Variants in KIF15 observed in about 807,000 individuals in gnomAD.
The protein encoded by KIF15 is kinesin-like protein KIF15.
KIF15 carries 140 observed loss-of-function variants against 190.6 expected under a neutral mutation model. The ratio of observed to expected loss-of-function variants is 0.73; its 90% CI spans 0.64 to 0.84. The LOEUF (loss-of-function observed/expected upper bound fraction) is 0.84. Among genes scored for constraint, KIF15 ranks in the 40% least tolerant of loss-of-function variants. The pLI, the probability that KIF15 is intolerant of heterozygous loss-of-function variation, is 0.00. For missense variants in KIF15, 1,372 were observed against 1,584.4 expected (o/e 0.87, Z 2.28); for synonymous variants, 528 against 551.3 (o/e 0.96, Z 0.59).
chr3:44,829,587 T>TTATATATG (rs1697917821), intron 24 of KIF15, among the ~76,000 whole-genome samples: 3 of 28,672 alleles, frequency 1.0e-4, no homozygotes, highest in African/African-American at 4.7e-4. Context: ...TATGTATATA[T>TTATATATG]TATATATTAT....
intron 6 of KIF15, chr3:44,864,067 G>A (rs1699293276): frequency 9.4e-7 from 1 of 1,064,608 alleles, no homozygotes; most frequent in Non-Finnish European, 1.4e-6. Flanking sequence ...AAGCTCTGAG[G>A]CCCTCTGAGC....
At position 44,777,520 on chromosome 3, in the gene KIF15, C is replaced by T. The variant is rs576197185; in HGVS notation, c.247-595C>T. On this transcript the variant is annotated intron_variant, in intron 3 of 34. Transcript: ENST00000326047. ...TAGCCTGACTAACATGGTGAAACCC[C>T]GTTTCTACTAAAAATAAAAAATTAG... Among the ~76,000 whole-genome samples the T allele has an allele frequency of 6.6e-5, 10 of 152,080 alleles. No homozygotes were observed. In the South Asian group the frequency reaches 1.3e-3, roughly 19 times the overall value.
chr3:44,790,118 C>A (rs2125921887), intron 7 of KIF15, among the ~76,000 whole-genome samples: 1 of 152,194 alleles, frequency 6.6e-6, no homozygotes, highest in Middle Eastern at 3.4e-3. Context: ...GGCGGGCTCA[C>A]TGAGTACTTT....
chr3:44,804,860 A>G (rs1214329007), intron 14 of KIF15, among the ~76,000 whole-genome samples, 167 bp from the exon 15 acceptor site: 1 of 152,124 alleles, frequency 6.6e-6, no homozygotes. Context: ...TGTAGTCCCA[A>G]CTATTTGGGA....
rs1159736715 is a variant in KIF15, at chr3:44,830,899, A to T, written c.3052A>T (p.Lys1018Ter). ...LKQELKDINC[K>*]YNSALVDREE... ...AGCATGACTTTCTTTTCTACAGTGC[A>T]AATACAACTCTGCTTTGGTTGACAG... The change falls in exon 26 of 35, where the codon AAA (lysine) becomes TAA (stop). Residue 1018 changes from lysine (K) to a stop codon, truncating the protein, a stop_gained. Transcript: ENST00000326047. LOFTEE classifies it high-confidence loss of function. 6.2e-7 allele frequency: 1 copy of T among 1,613,278 alleles called. No individual in the cohort carries two copies. Among genetic ancestry groups the T allele is most frequent in the African/African-American group, 1.3e-5 (1 of 75,012 alleles).
rs11710339 is a variant in KIF15, at chr3:44,830,013, A to T, written c.2986A>T (p.Thr996Ser). The T allele has an allele frequency of 0.18, 289,681 of 1,594,576 alleles. 30,642 individuals carry two copies. The highest frequency in any genetic ancestry group is 0.21 in the Non-Finnish European group (246,486 of 1,170,554). ...DLMNQIQELR[T>S]SVCEKTETID... is the part of the protein sequence containing the mutation. ...CATGAACCAGATCCAGGAGCTAAGA[A>T]CATCGGTCTGTGAGAAAACAGAAAC... The change falls in exon 25 of 35, where the codon ACA becomes TCA. Residue 996 changes from threonine (T) to serine (S), a missense_variant. Physicochemically the swap from Thr to Ser is moderately conservative, Grantham distance 58. Transcript: ENST00000326047.
In KIF15 at chr3:44,841,065, T is replaced by C. The variant is rs1451562131; in HGVS notation, c.3421-9T>C. 1.9e-6 allele frequency: 3 copies of C among 1,597,430 alleles called. No individual in the cohort carries two copies. The highest frequency in any genetic ancestry group is 2.6e-6 in the Non-Finnish European group (3 of 1,174,088). On this transcript the variant is annotated splice_polypyrimidine_tract_variant and intron_variant, in intron 28 of 34. Coordinates refer to ENST00000326047, the MANE Select transcript of KIF15 (RefSeq NM_020242.3). ...TTGGATATTTGGATGAGATGTGATT[T>C]TATTTTAGAGTCCTAAGACACCACC... is the stretch of plus-strand genomic sequence containing the variant.
In KIF15 at chr3:44,830,947, A is replaced by G. The variant is rs769100956; in HGVS notation, c.3100A>G (p.Lys1034Glu). ...CAGAGAAGAGAGCAGAGTGTTGATC[A>G]AGAAGCAGGAAGTGGATATTCTGGA... The part of the protein sequence containing the change: ...VDREESRVLI[K>E]KQEVDILDLK... The change falls in exon 26 of 35, where the codon AAG (lysine) becomes GAG (glutamate). Residue 1034 changes from lysine (K) to glutamate (E), a missense_variant. Coordinates refer to ENST00000326047, the MANE Select transcript of KIF15 (RefSeq NM_020242.3). 21 of 1,613,990 alleles carry G rather than the reference A, an allele frequency of 1.3e-5. No homozygotes were observed. The highest frequency in any genetic ancestry group is 2.2e-5 in the East Asian group (1 of 44,868).
chr3:44,816,419 T>C (rs1404957284), intron 20 of KIF15, among the ~76,000 whole-genome samples: 1 of 132,558 alleles, frequency 7.5e-6, no homozygotes, highest in African/African-American at 2.8e-5. Flanking sequence ...CAGGCCCCAG[T>C]GTGATGTTCC....
chr3:44,801,788 A>G lies in KIF15; in HGVS notation c.1323A>G (p.Gln441=). The change falls in exon 13 of 35, where the codon CAA becomes CAG. Residue 441 remains glutamine, a synonymous_variant. Coordinates refer to ENST00000326047, the MANE Select transcript of KIF15 (RefSeq NM_020242.3). ...AGTCTCTGATAGAAAAAGTTACCCA[A>G]TTAGAAGACCTCACCCTCAAAAAGG... ...EKKSLIEKVT[Q]LEDLTLKKEK... 1.3e-6 allele frequency: 2 copies of G among 1,588,922 alleles called. No individual in the cohort carries two copies. The highest frequency in any genetic ancestry group is 1.7e-6 in the Non-Finnish European group (2 of 1,160,678).
chr3:44,800,569 C>T lies in KIF15; in HGVS notation c.1222+132C>T, dbSNP rs1274364591. 67 of 834,990 alleles carry T rather than the reference C, an allele frequency of 8.0e-5. 1 individual carries two copies. In the East Asian group the frequency reaches 1.7e-3, roughly 22 times the overall value. The allele number at this position is 834,990 out of a possible 1,614,324, so 51.7% of individuals were successfully genotyped here. A position where few individuals can be genotyped will look rare whatever the true frequency, so the allele number is the denominator to read the frequency against. On this transcript the variant is annotated intron_variant, in intron 11 of 34. Coordinates refer to ENST00000326047, the MANE Select transcript of KIF15 (RefSeq NM_020242.3). ...AGGTATCTCTTTCTGCTTATTTCTC[C>T]TATATAGGAACATAGTGGTTTGTTT...
rs755965909 is a variant in KIF15, at chr3:44,797,670, A to G, written c.969A>G (p.Leu323=). The change falls in exon 9 of 35, where the codon TTA becomes TTG. Residue 323 remains leucine, a synonymous_variant. Transcript: ENST00000326047. The stretch of plus-strand genomic sequence containing the variant: ...ACAGAGACTCCAAACTTACCTTCTT[A>G]CTACGGGTAAAGTAGATCCTTGGGT... The part of the protein sequence containing the change: ...VCYRDSKLTF[L]LRDSLGGNAK... 1 of 1,613,954 alleles carries G rather than the reference A, an allele frequency of 6.2e-7. No individual in the cohort carries two copies. Among genetic ancestry groups the G allele is most frequent in the East Asian group, 2.2e-5 (1 of 44,878 alleles).
In KIF15 at chr3:44,841,130, A is replaced by G. The variant is rs908635292; in HGVS notation, c.3477A>G (p.Gln1159=). Residue 1159 remains glutamine, a synonymous_variant, in exon 29 of 35, where the codon CAA becomes CAG. Coordinates refer to ENST00000326047, the MANE Select transcript of KIF15 (RefSeq NM_020242.3). ...ATTTGGCAAAACTCCTGGAAACACAAGAACAAGAGATAGAAGATGGAAGAG... is the reference window on the plus strand; with the variant it reads ...ATTTGGCAAAACTCCTGGAAACACAGGAACAAGAGATAGAAGATGGAAGAG... ...QTHLAKLLET[Q]EQEIEDGRAS... is the part of the protein sequence containing the mutation. 1 of 1,613,690 alleles carries G rather than the reference A, an allele frequency of 6.2e-7. No individual in the cohort carries two copies. The highest frequency in any genetic ancestry group is 1.3e-5 in the African/African-American group (1 of 74,922).
intron 23 of KIF15, among the ~76,000 whole-genome samples, chr3:44,827,989 C>T (rs372556396): frequency 7.2e-5 from 11 of 152,132 alleles, no homozygotes; most frequent in African/African-American, 1.4e-4. Context: ...TATTGTTTTT[C>T]GACTCTTGTT....
chr3:44,797,573 C>T lies in KIF15; in HGVS notation c.872C>T (p.Ser291Leu). Residue 291 changes from serine to leucine, a missense_variant, in exon 9 of 35, where the codon TCA becomes TTA. By Grantham distance (145) the Ser-to-Leu change is moderately radical. Coordinates refer to ENST00000326047, the MANE Select transcript of KIF15 (RefSeq NM_020242.3). ...RLKEAGNINR[S>L]LSCLGQVITA... is the part of the protein sequence containing the mutation. ...TAGGAAGCAGGTAACATAAATCGAT[C>T]ATTGAGCTGCCTGGGCCAAGTGATT... is the stretch of plus-strand genomic sequence containing the variant. The T allele has an allele frequency of 6.2e-7, 1 of 1,614,058 alleles. No homozygotes were observed.
intron 24 of KIF15, among the ~76,000 whole-genome samples, chr3:44,829,674 T>G (rs533305336): frequency 7.9e-6 from 1 of 125,932 alleles, no homozygotes; most frequent in Non-Finnish European, 1.6e-5. Context: ...ATATATAATA[T>G]ATGTATATAT....
intron 28 of KIF15, 145 bp downstream of exon 28, chr3:44,840,601 G>T: frequency 4.6e-6 from 2 of 433,402 alleles, no homozygotes; most frequent in Non-Finnish European, 8.3e-6. Context: ...CTTGATGAAA[G>T]TAGCAGTCTT....
Position 44,851,852 on chromosome 3 carries a change from TCGAA to T in KIF15, c.3878_3881del (p.Arg1293ProfsTer15). 6.2e-7 allele frequency: 1 copy of T among 1,613,952 alleles called. No homozygotes were observed. The stretch of plus-strand genomic sequence containing the variant: ...GAATGCCTTAGAATGACTGATGAAG[TCGAA>T]CGAACCCAAACTTTGGAGTCTAAAG... On this transcript the variant is annotated frameshift_variant, in exon 33 of 35. Coordinates refer to ENST00000326047, the MANE Select transcript of KIF15 (RefSeq NM_020242.3). LOFTEE classifies it high-confidence loss of function.
chr3:44,838,317 C>T lies in KIF15; in HGVS notation c.3214C>T (p.Leu1072=). 1 of 1,613,882 alleles carries T rather than the reference C, an allele frequency of 6.2e-7. No individual in the cohort carries two copies. Among genetic ancestry groups the T allele is most frequent in the African/African-American group, 1.3e-5 (1 of 75,014 alleles). ...GGACCTGGCTCATGCCACTGAGCAG[C>T]TGAACATGCTCACAGAGGCCTCAAA... The part of the protein sequence containing the change: ...CEDLAHATEQ[L]NMLTEASKKH... The change falls in exon 27 of 35, where the codon CTG becomes TTG. Residue 1072 remains leucine, a synonymous_variant. Coordinates refer to ENST00000326047, the MANE Select transcript of KIF15 (RefSeq NM_020242.3).
Sources: gnomAD v4.1 joint callset for allele counts (sites outside exome capture counted in the v4.1 genomes callset) on GRCh38, gnomAD v4.1.1 for gene constraint, MANE v1.5 for transcripts, NCBI Gene and HGNC (gene_info 2026-07-23, HGNC 2026-07-21) for gene names.